TRIM33: variants seen among roughly 807,000 people sequenced by gnomAD.
TRIM33 encodes tripartite motif containing 33, also known as E3 ubiquitin-protein ligase TRIM33.
A neutral mutation model predicts 125.4 loss-of-function variants in TRIM33; 20 were observed. That is an observed-to-expected ratio of 0.16 (90% CI 0.11 to 0.23). TRIM33 has a LOEUF of 0.23. TRIM33 is among the 10% of genes least tolerant of loss of function. The probability of loss-of-function intolerance (pLI) is 1.00; values close to 1 mark genes in which losing one functional copy is unlikely to be tolerated. For synonymous variants in TRIM33, 564 were observed against 513.9 expected (o/e 1.10, Z -1.32); for missense variants, 920 against 1,411.4 (o/e 0.65, Z 5.58).
intron 4 of TRIM33, among the ~76,000 whole-genome samples, chr1:114,438,583 C>A (rs1487571249): frequency 3.9e-5 from 6 of 152,200 alleles, no homozygotes; most frequent in African/African-American, 1.4e-4. Flanking sequence ...TCTTAACATG[C>A]ATTCTCTCAT....
intron 4 of TRIM33, chr1:114,460,126 C>A: frequency 6.0e-6 from 1 of 166,002 alleles, no homozygotes; most frequent in South Asian, 1.5e-4. Flanking sequence ...CTATAAAGGT[C>A]AGCAAACTGG....
chr1:114,504,191 G>A (rs894980355), intron 1 of TRIM33, among the ~76,000 whole-genome samples: 2 of 151,232 alleles, frequency 1.3e-5, no homozygotes, highest in Non-Finnish European at 2.9e-5. Flanking sequence ...TAAAGACAGG[G>A]TCTCACGCCA....
At chr1:114,505,724 C>G (rs148115678) in intron 1 of TRIM33, among the ~76,000 whole-genome samples, 1,567 of 152,154 alleles carry the variant, frequency 0.01, 24 homozygotes, top group African/African-American at 0.036. Context: ...CCTGCCACCA[C>G]GCCTGGCAAA....
At chr1:114,483,568 C>G (rs1025768425) in intron 1 of TRIM33, among the ~76,000 whole-genome samples, 2 of 151,794 alleles carry the variant, frequency 1.3e-5, no homozygotes, top group African/African-American at 2.4e-5. Flanking sequence ...CCCACCACCA[C>G]GCTCAGCTAA....
chr1:114,436,217 A>G (rs1326705587), intron 4 of TRIM33, among the ~76,000 whole-genome samples: 1 of 151,580 alleles, frequency 6.6e-6, no homozygotes, highest in Non-Finnish European at 1.5e-5. Flanking sequence ...CCTGGACAAC[A>G]TGGTGAAACC....
chr1:114,463,081 G>GCA (rs1650089824), intron 4 of TRIM33, 23 bp downstream of exon 4: 1 of 1,549,658 alleles, frequency 6.5e-7, no homozygotes, highest in African/African-American at 1.4e-5. Flanking sequence ...GTATTTCCTG[G>GCA]TAAGCAATTA....
At chr1:114,471,144 A>G (rs1195819784) in intron 1 of TRIM33, among the ~76,000 whole-genome samples, 1 of 152,222 alleles carries the variant, frequency 6.6e-6, no homozygotes, top group Non-Finnish European at 1.5e-5. Context: ...CAGTGAGCAT[A>G]TGAATGATAA....
At chr1:114,456,890 T>C (rs1649660928) in intron 4 of TRIM33, among the ~76,000 whole-genome samples, 1 of 152,126 alleles carries the variant, frequency 6.6e-6, no homozygotes, top group African/African-American at 2.4e-5. Context: ...ACAGGAGCTG[T>C]ATGATAAATC....
At position 114,416,440 on chromosome 1, in the gene TRIM33, C is replaced by T. The variant is rs577781385; in HGVS notation, c.2061+4996G>A. ...TAATATATTTCTTCTAGTTACCTAA[C>T]TATATCACCATTAATACATCTGACT... On this transcript the variant is annotated intron_variant, in intron 11 of 19. Coordinates refer to ENST00000358465, the MANE Select transcript of TRIM33 (RefSeq NM_015906.4). 2.0e-5 allele frequency among the ~76,000 whole-genome samples: 3 copies of T among 152,262 alleles called. No individual in the cohort carries two copies. The South Asian group carries it at 6.2e-4, about 32-fold the overall frequency.
chr1:114,475,863 C>T (rs976699074), intron 1 of TRIM33, among the ~76,000 whole-genome samples: 3 of 151,948 alleles, frequency 2.0e-5, no homozygotes, highest in African/African-American at 4.8e-5. Context: ...ACTAGCTCAG[C>T]GTGTAGGTGT....
chr1:114,486,388 G>A (rs990363781), intron 1 of TRIM33, among the ~76,000 whole-genome samples: 1 of 151,644 alleles, frequency 6.6e-6, no homozygotes, highest in African/African-American at 2.4e-5. Context: ...TTTGGAAATG[G>A]AGACGGGCAG....
intron 10 of TRIM33, among the ~76,000 whole-genome samples, chr1:114,422,645 G>A (rs773057467): frequency 3.4e-4 from 51 of 148,652 alleles, no homozygotes; most frequent in Non-Finnish European, 6.1e-4. Flanking sequence ...ACTGCACCAG[G>A]AAGGAAAAAA....
chr1:114,424,637 T>C lies in TRIM33; in HGVS notation c.1814A>G (p.His605Arg), dbSNP rs1647436168. 6.2e-7 allele frequency: 1 copy of C among 1,610,678 alleles called. No homozygotes were observed. The stretch of plus-strand genomic sequence containing the variant: ...CATCATGGAATATTGAGGGCCGCTG[T>C]GCCTGGGTATCCCTGGTATTCTGGC... ...NAARIPGIPR[H>R]SGPQYSMMQP... Residue 605 changes from histidine to arginine, a missense_variant, in exon 10 of 20, where the codon CAC (histidine) becomes CGC (arginine). Around this residue, in one of 8 missense-constraint regions of TRIM33, gnomAD observed 407 missense variants for 589.7 expected, o/e 0.69. Coordinates refer to ENST00000358465, the MANE Select transcript of TRIM33 (RefSeq NM_015906.4).
In TRIM33 at chr1:114,407,017, G is replaced by T. The variant is rs978602778; in HGVS notation, c.2342C>A (p.Thr781Asn). The T allele has an allele frequency of 6.2e-7, 1 of 1,613,934 alleles. No individual in the cohort carries two copies. Among genetic ancestry groups the T allele is most frequent in the Admixed American group, 1.7e-5 (1 of 60,002 alleles). ...DQVKVKQEPG[T>N]EDEICSFSGG... ...TGAAAAGCTACATATTTCATCTTCA[G>T]TCCCAGGTTCTTGCTTGACCTTCAC... The change falls in exon 14 of 20, where the codon ACT (threonine) becomes AAT (asparagine). Residue 781 changes from threonine to asparagine, a missense_variant. Physicochemically the swap from Thr to Asn is moderately conservative, Grantham distance 65. Around this residue, in one of 8 missense-constraint regions of TRIM33, gnomAD observed 407 missense variants for 589.7 expected, o/e 0.69. Transcript: ENST00000358465.
intron 4 of TRIM33, among the ~76,000 whole-genome samples, chr1:114,435,162 A>G: frequency 6.6e-6 from 1 of 152,336 alleles, no homozygotes; most frequent in East Asian, 1.9e-4. Flanking sequence ...AAAATCATCA[A>G]ACAGAAATAT....
At chr1:114,414,874 G>C (rs1652829431) in intron 11 of TRIM33, among the ~76,000 whole-genome samples, 1 of 151,548 alleles carries the variant, frequency 6.6e-6, no homozygotes, top group Admixed American at 6.6e-5. Flanking sequence ...TTAATAATGA[G>C]GGCTGGTGAA....
chr1:114,408,254 T>C (rs1202189936), intron 13 of TRIM33, among the ~76,000 whole-genome samples: 1 of 152,140 alleles, frequency 6.6e-6, no homozygotes, highest in East Asian at 1.9e-4. Context: ...AATAAACTGA[T>C]GGCAATGTAT....
chr1:114,511,026 G>C lies in TRIM33; in HGVS notation c.51C>G (p.Ser17Arg). ...GGEAESGGGGSGSAPVTAGAA... is the reference protein window; with the variant it reads ...GGEAESGGGGRGSAPVTAGAA... ...CCCCGGCAGTTACCGGCGCGCTGCC[G>C]CTGCCCCCGCCGCCGCTCTCAGCCT... The change falls in exon 1 of 20, where the codon AGC becomes AGG. Residue 17 changes from serine to arginine, a missense_variant. Transcript: ENST00000358465. 1 of 1,319,258 alleles carries C rather than the reference G, an allele frequency of 7.6e-7. No individual in the cohort carries two copies. Among genetic ancestry groups the C allele is most frequent in the Non-Finnish European group, 9.7e-7 (1 of 1,033,708 alleles). 81.7% of individuals were successfully genotyped at this position (1,319,258 alleles called of 1,614,324 possible).
At chr1:114,451,388 A>AAT (rs1014863446) in intron 4 of TRIM33, among the ~76,000 whole-genome samples, 1 of 151,896 alleles carries the variant, frequency 6.6e-6, no homozygotes, top group Non-Finnish European at 1.5e-5. Context: ...AAAAAAAAAA[A>AAT]AAAAGGACTG....
Sources: allele counts gnomAD v4.1 joint callset (sites outside exome capture counted in the v4.1 genomes callset), GRCh38; gene constraint gnomAD v4.1.1; regional missense constraint gnomAD v4.1.1; transcripts MANE v1.5; gene names NCBI Gene and HGNC (gene_info 2026-07-23, HGNC 2026-07-21).